Variants in C8orf34 observed in about 807,000 individuals in gnomAD.
The protein encoded by C8orf34 is uncharacterized protein C8orf34.
A neutral mutation model predicts 68.3 loss-of-function variants in C8orf34; 65 were observed. That is an observed-to-expected ratio of 0.95 (90% confidence interval 0.78 to 1.17). C8orf34 has a LOEUF of 1.17. Ranked by LOEUF, C8orf34 falls within the 50% of genes most tolerant of loss-of-function variation. C8orf34 has a pLI of 0.00. For synonymous variants in C8orf34, 244 were observed against 241.2 expected (o/e 1.01, Z -0.11); for missense variants, 664 against 655.4 (o/e 1.01, Z -0.14).
intron 5 of C8orf34, among the ~76,000 whole-genome samples, chr8:68,518,217 A>T (rs1375261154): frequency 1.3e-5 from 2 of 152,194 alleles, no homozygotes; most frequent in Non-Finnish European, 2.9e-5. Context: ...CACAATTTAT[A>T]CTGAAGTTTG....
chr8:68,515,107 C>G (rs1046247653), intron 5 of C8orf34, among the ~76,000 whole-genome samples: 1 of 152,052 alleles, frequency 6.6e-6, no homozygotes, highest in African/African-American at 2.4e-5. Context: ...TCATTTCATG[C>G]TATATATGTA....
rs1481619893 is a variant in C8orf34, at chr8:68,665,543, C to T, written c.1241+25032C>T. On this transcript the variant is annotated intron_variant, in intron 8 of 13. Transcript: ENST00000518698. Reference sequence around the variant, plus strand: ...CTGACTGTAGGTGCTGATGCTGCCCCTTTTCTTCTCTTACATCATTTCGTA... The same window carrying T: ...CTGACTGTAGGTGCTGATGCTGCCCTTTTTCTTCTCTTACATCATTTCGTA... Among the ~76,000 whole-genome samples the T allele has an allele frequency of 4.6e-5, 7 of 152,266 alleles. No individual in the cohort carries two copies. In the South Asian group the frequency reaches 1.2e-3, roughly 27 times the overall value.
intron 9 of C8orf34, among the ~76,000 whole-genome samples, chr8:68,713,668 A>G (rs926684339): frequency 1.3e-5 from 2 of 152,142 alleles, no homozygotes; most frequent in Non-Finnish European, 2.9e-5. Flanking sequence ...AATAAAAAAA[A>G]TTGCCAATAA....
At chr8:68,650,309 CAG>C (rs1168831632) in intron 8 of C8orf34, among the ~76,000 whole-genome samples, 1 of 151,772 alleles carries the variant, frequency 6.6e-6, no homozygotes, top group African/African-American at 2.4e-5. Context: ...GAGAGGGGTC[CAG>C]AGAGGGGTCC....
chr8:68,585,977 G>A (rs1034546164), intron 7 of C8orf34, among the ~76,000 whole-genome samples: 3 of 152,068 alleles, frequency 2.0e-5, no homozygotes, highest in African/African-American at 7.2e-5. Flanking sequence ...GGGATTACAT[G>A]GGAGTGTAAA....
chr8:68,464,462 A>ATGGAAC (rs1467447206), intron 3 of C8orf34, among the ~76,000 whole-genome samples: 7 of 151,716 alleles, frequency 4.6e-5, no homozygotes, highest in Non-Finnish European at 8.9e-5. Flanking sequence ...TAAAGTTCAT[A>ATGGAAC]TGGAACCAAA....
chr8:68,338,821 T>C (rs976207270), intron 1 of C8orf34, among the ~76,000 whole-genome samples: 22 of 152,296 alleles, frequency 1.4e-4, no homozygotes, highest in African/African-American at 3.6e-4. Flanking sequence ...TACATTTCTG[T>C]GAACAGTGTA....
chr8:68,397,407 G>A (rs185145170), intron 1 of C8orf34, among the ~76,000 whole-genome samples: 1 of 152,132 alleles, frequency 6.6e-6, no homozygotes, highest in East Asian at 1.9e-4. Context: ...TTCCACTTTA[G>A]TGAACAATTA....
chr8:68,567,850 G>A (rs1816642740), intron 7 of C8orf34, among the ~76,000 whole-genome samples: 1 of 151,732 alleles, frequency 6.6e-6, no homozygotes, highest in East Asian at 1.9e-4. Flanking sequence ...CTGGTGAAGA[G>A]GCCTAGTTTT....
chr8:68,767,536 T>G (rs1241125858), intron 10 of C8orf34, among the ~76,000 whole-genome samples: 2 of 152,226 alleles, frequency 1.3e-5, no homozygotes, highest in East Asian at 1.9e-4. Context: ...ATATTCTTGG[T>G]GCAATTCAAC....
At chr8:68,678,236 C>A (rs1467699653) in intron 8 of C8orf34, among the ~76,000 whole-genome samples, 1 of 152,082 alleles carries the variant, frequency 6.6e-6, no homozygotes, top group Non-Finnish European at 1.5e-5. Flanking sequence ...CCCTGAAACC[C>A]AAATCAGACA....
chr8:68,518,068 A>T (rs539915358), intron 5 of C8orf34, among the ~76,000 whole-genome samples: 28 of 152,192 alleles, frequency 1.8e-4, no homozygotes, highest in African/African-American at 6.7e-4. Flanking sequence ...TACAGTTCAC[A>T]CTCTTAAATA....
At chr8:68,646,269 A>C (rs1819169525) in intron 8 of C8orf34, among the ~76,000 whole-genome samples, 1 of 151,968 alleles carries the variant, frequency 6.6e-6, no homozygotes, top group South Asian at 2.1e-4. Context: ...TAAGAGCAAA[A>C]ATTTTAATTT....
At chr8:68,426,987 G>A (rs1053186594) in intron 1 of C8orf34, among the ~76,000 whole-genome samples, 3 of 152,066 alleles carry the variant, frequency 2.0e-5, no homozygotes, top group Admixed American at 2.0e-4. Context: ...ACATCAGGGG[G>A]CATTCAATAT....
At chr8:68,628,922 T>G (rs981431990) in intron 7 of C8orf34, among the ~76,000 whole-genome samples, 3 of 152,152 alleles carry the variant, frequency 2.0e-5, no homozygotes, top group African/African-American at 7.2e-5. Context: ...TGTGTAAAGA[T>G]GAAAAGCTCA....
chr8:68,471,925 AACACACACACACACACAC>A (rs10596354), intron 4 of C8orf34, among the ~76,000 whole-genome samples: 10 of 147,376 alleles, frequency 6.8e-5, no homozygotes, highest in African/African-American at 1.3e-4. Flanking sequence ...GACTTAAATG[AACACACACACACACACAC>A]ACACACACAC....
chr8:68,571,730 A>G (rs1816764571), intron 7 of C8orf34, among the ~76,000 whole-genome samples: 1 of 152,228 alleles, frequency 6.6e-6, no homozygotes. Flanking sequence ...TTATATTTTA[A>G]TGCCAAAGAT....
At position 68,446,933 on chromosome 8, in the gene C8orf34, A is replaced by G. The variant is rs556342152; in HGVS notation, c.607+473A>G. 4 of 155,896 alleles carry G rather than the reference A, an allele frequency of 2.6e-5. No individual in the cohort carries two copies. The East Asian group carries it at 5.7e-4, about 22-fold the overall frequency. 9.7% of individuals were successfully genotyped at this position (155,896 alleles called of 1,614,324 possible). On this transcript the variant is annotated intron_variant, in intron 3 of 13. Coordinates refer to ENST00000518698, the MANE Select transcript of C8orf34 (RefSeq NM_052958.4). ...TCATTAATTTGTGATGGAAGTCCCT[A>G]TATTCTCTTCACTACTACTGTAATA...
intron 7 of C8orf34, among the ~76,000 whole-genome samples, chr8:68,549,284 A>G (rs1815987085): frequency 6.6e-6 from 1 of 151,812 alleles, no homozygotes; most frequent in South Asian, 2.1e-4. Context: ...TTATTTTGTC[A>G]CCTTTAGCTA....
Sources: gnomAD v4.1 joint callset for allele counts (sites outside exome capture counted in the v4.1 genomes callset) on GRCh38, gnomAD v4.1.1 for gene constraint, MANE v1.5 for transcripts, NCBI Gene and HGNC (gene_info 2026-07-23, HGNC 2026-07-21) for gene names.